The following NTRK3 variants were observed in gnomAD, a reference collection of about 807,000 sequenced individuals.
NTRK3 encodes neurotrophic receptor tyrosine kinase 3.
In NTRK3, 24 loss-of-function variants were observed where a neutral mutation model predicts 91.7. The observed-to-expected ratio is 0.26, with a 90% CI of 0.19 to 0.37. The LOEUF (loss-of-function observed/expected upper bound fraction) is 0.37. NTRK3 is among the 10% of genes least tolerant of loss of function. The probability of loss-of-function intolerance (pLI) is 1.00; values close to 1 mark genes in which losing one functional copy is unlikely to be tolerated. For synonymous variants in NTRK3, 483 were observed against 404.0 expected, an observed-to-expected ratio of 1.20 and a Z score of -2.34; for missense variants, 880 against 1,068.9, an observed-to-expected ratio of 0.82 and a Z score of 2.46.
exon 19 of NTRK3, chr15:87,864,411 A>C (rs973242503): frequency 4.3e-6 from 1 of 230,722 alleles, no homozygotes; most frequent in African/African-American, 2.2e-5. Flanking sequence ...GCATTGAAAT[A>C]AGTTCTTGTT....
At chr15:88,097,571 T>C (rs761997460) in intron 13 of NTRK3, among the ~76,000 whole-genome samples, 20 of 152,214 alleles carry the variant, frequency 1.3e-4, no homozygotes, top group African/African-American at 2.7e-4. Flanking sequence ...TATAGGATAA[T>C]CCTAACTAAG....
chr15:88,162,928 C>T (rs1371919996), intron 5 of NTRK3, among the ~76,000 whole-genome samples: 1 of 152,146 alleles, frequency 6.6e-6, no homozygotes, highest in Non-Finnish European at 1.5e-5. Flanking sequence ...TGGTCCAGCA[C>T]TGTGGCCACT....
At chr15:87,970,634 C>A (rs1015734708) in intron 14 of NTRK3, among the ~76,000 whole-genome samples, 3 of 152,148 alleles carry the variant, frequency 2.0e-5, no homozygotes, top group East Asian at 3.9e-4. Context: ...CTTCTTGGAG[C>A]CTTTGATATC....
At chr15:87,880,370 C>T (rs2065175522) in exon 18 of NTRK3, 8 of 1,614,118 alleles carry the variant, frequency 5.0e-6, no homozygotes, top group Non-Finnish European at 5.1e-6. Context: ...AGTGAACTTC[C>T]GGTACATGAT....
chr15:87,952,570 C>T (rs1342449795), intron 14 of NTRK3, among the ~76,000 whole-genome samples: 1 of 152,224 alleles, frequency 6.6e-6, no homozygotes, highest in Non-Finnish European at 1.5e-5. Flanking sequence ...CCACAGGCTT[C>T]CTCTGGAGCC....
intron 3 of NTRK3, among the ~76,000 whole-genome samples, chr15:88,246,123 T>G (rs1462926595): frequency 6.6e-6 from 1 of 152,164 alleles, no homozygotes; most frequent in Non-Finnish European, 1.5e-5. Context: ...TCTCTAAAGC[T>G]GATAACCTTG....
chr15:88,201,973 G>T (rs2141285473), intron 3 of NTRK3, among the ~76,000 whole-genome samples: 1 of 151,814 alleles, frequency 6.6e-6, no homozygotes, highest in South Asian at 2.1e-4. Context: ...TCATTTCTTT[G>T]TCATAGATGG....
chr15:87,995,214 C>T (rs904722640), intron 14 of NTRK3, among the ~76,000 whole-genome samples: 3 of 152,320 alleles, frequency 2.0e-5, no homozygotes, highest in Admixed American at 2.0e-4. Flanking sequence ...CCAGCCTGCA[C>T]TCACCAAATC....
At chr15:88,185,292 T>C (rs963838405) in intron 3 of NTRK3, among the ~76,000 whole-genome samples, 2 of 152,356 alleles carry the variant, frequency 1.3e-5, no homozygotes, top group African/African-American at 4.8e-5. Flanking sequence ...TGCTAACTCA[T>C]CCACTGCATA....
chr15:88,052,905 C>G (rs1156572379), intron 13 of NTRK3, among the ~76,000 whole-genome samples: 1 of 152,130 alleles, frequency 6.6e-6, no homozygotes, highest in Non-Finnish European at 1.5e-5. Context: ...GGTTATCTAT[C>G]AGCTGATCAG....
chr15:88,061,237 A>C (rs1266272885), intron 13 of NTRK3, among the ~76,000 whole-genome samples: 2 of 152,224 alleles, frequency 1.3e-5, no homozygotes, highest in African/African-American at 4.8e-5. Flanking sequence ...ATAAATGAAT[A>C]AATTTAACTT....
At chr15:88,075,479 CAGG>C (rs1401161416) in intron 13 of NTRK3, among the ~76,000 whole-genome samples, 1 of 152,208 alleles carries the variant, frequency 6.6e-6, no homozygotes, top group Non-Finnish European at 1.5e-5. Flanking sequence ...AAAGGAACCT[CAGG>C]AGAATCCTGA....
chr15:88,128,447 A>G (rs1006139905), intron 11 of NTRK3, among the ~76,000 whole-genome samples: 4 of 152,170 alleles, frequency 2.6e-5, no homozygotes, highest in African/African-American at 9.7e-5. Flanking sequence ...CTCTTTATCC[A>G]GGTAAAGAGA....
At chr15:88,073,780 C>CCCG (rs959661751) in intron 13 of NTRK3, among the ~76,000 whole-genome samples, 37 of 151,922 alleles carry the variant, frequency 2.4e-4, no homozygotes, top group African/African-American at 7.7e-4. Context: ...CTGCAACACC[C>CCCG]CCCCGCCCCA....
chr15:87,977,645 T>G, intron 14 of NTRK3: 1 of 232,236 alleles, frequency 4.3e-6, no homozygotes, highest in Non-Finnish European at 8.5e-6. Context: ...CATGGAGCAA[T>G]GGGGAGCAGG....
intron 5 of NTRK3, among the ~76,000 whole-genome samples, chr15:88,162,753 A>T (rs1200568580): frequency 3.9e-5 from 6 of 152,236 alleles, no homozygotes; most frequent in African/African-American, 1.4e-4. Context: ...GGGGAGGCAG[A>T]TGGGCTTTAT....
chr15:88,156,993 G>A (rs1183992196), intron 5 of NTRK3, among the ~76,000 whole-genome samples: 2 of 152,080 alleles, frequency 1.3e-5, no homozygotes, highest in African/African-American at 4.8e-5. Context: ...AAGAGACTCT[G>A]CAGAGACCTC....
At chr15:88,223,581 A>G (rs1219311845) in intron 3 of NTRK3, among the ~76,000 whole-genome samples, 1 of 152,172 alleles carries the variant, frequency 6.6e-6, no homozygotes, top group Non-Finnish European at 1.5e-5. Context: ...CAGCATTCAC[A>G]TGTCAGAGAG....
At chr15:87,899,647 G>A (rs1465706611) in intron 17 of NTRK3, among the ~76,000 whole-genome samples, 1 of 152,126 alleles carries the variant, frequency 6.6e-6, no homozygotes, top group Non-Finnish European at 1.5e-5. Context: ...CCCAAAAAGG[G>A]GGACCAGGAA....
Sources: gnomAD v4.1 joint callset for allele counts (sites outside exome capture counted in the v4.1 genomes callset) on GRCh38, gnomAD v4.1.1 for gene constraint, MANE v1.5 for transcripts, NCBI Gene and HGNC (gene_info 2026-07-23, HGNC 2026-07-21) for gene names.